The following RPAP2 variants were observed in gnomAD, a reference collection of about 807,000 sequenced individuals.
The protein encoded by RPAP2 is RNA polymerase II associated protein 2, also known as putative RNA polymerase II subunit B1 CTD phosphatase RPAP2.
In RPAP2, 52 loss-of-function variants were observed where a neutral mutation model predicts 73.1. The ratio of observed to expected loss-of-function variants is 0.71; its 90% confidence interval spans 0.57 to 0.90. The LOEUF (loss-of-function observed/expected upper bound fraction) is 0.90. Ranked by LOEUF, RPAP2 falls within the 40% of genes least tolerant of loss-of-function variation. The pLI is 0.00. For synonymous variants in RPAP2, 225 were observed against 242.1 expected (o/e 0.93, Z 0.65); for missense variants, 598 against 701.8 (o/e 0.85, Z 1.67).
chr1:92,385,266 C>T (rs1334341129), intron 12 of RPAP2, among the ~76,000 whole-genome samples: 3 of 151,834 alleles, frequency 2.0e-5, no homozygotes, highest in Admixed American at 6.6e-5. Flanking sequence ...TGAATAGATA[C>T]CAATTAAAAA....
intron 12 of RPAP2, 143 bp from the exon 13 acceptor site, chr1:92,386,868 C>T: frequency 1.9e-6 from 1 of 527,344 alleles, no homozygotes. Context: ...GCCTGGCAAA[C>T]TTTTTGGGTT....
rs552374610 is a variant in RPAP2, at chr1:92,388,851, G to A, written c.*1840G>A. ...CGCCATTGCTGAGGCTTGAGTAGGCGGTTCTATGCTCACAGTGTAAACAAA... is the reference window on the plus strand; with the variant it reads ...CGCCATTGCTGAGGCTTGAGTAGGCAGTTCTATGCTCACAGTGTAAACAAA... On this transcript the variant is annotated 3_prime_UTR_variant, in exon 13 of 13. Coordinates refer to ENST00000610020, the MANE Select transcript of RPAP2 (RefSeq NM_024813.3). 10 of 152,316 alleles carry A rather than the reference G, an allele frequency of 6.6e-5. No individual in the cohort carries two copies. The highest frequency in any genetic ancestry group is 4.1e-4 in the South Asian group (2 of 4,832). The allele number at this position is 152,316 out of a possible 1,614,324, so 9.4% of individuals were successfully genotyped here. A position where few individuals can be genotyped will look rare whatever the true frequency, so the allele number is the denominator to read the frequency against.
intron 6 of RPAP2, among the ~76,000 whole-genome samples, chr1:92,312,098 C>T (rs1014518986): frequency 1.2e-4 from 19 of 152,200 alleles, no homozygotes; most frequent in African/African-American, 4.6e-4. Flanking sequence ...GCATTTTACC[C>T]ACAGCAGAAC....
chr1:92,315,014 C>T (rs1196526238), intron 6 of RPAP2, among the ~76,000 whole-genome samples: 1 of 151,980 alleles, frequency 6.6e-6, no homozygotes, highest in Non-Finnish European at 1.5e-5. Context: ...CACTGCACTC[C>T]AGCCTGGGTG....
intron 11 of RPAP2, among the ~76,000 whole-genome samples, chr1:92,351,929 C>T (rs1269621598): frequency 6.6e-6 from 1 of 152,060 alleles, no homozygotes; most frequent in African/African-American, 2.4e-5. Flanking sequence ...AGTCAAATGT[C>T]TCTTGGTGGC....
chr1:92,312,839 TCAGA>T (rs1207559991), intron 6 of RPAP2, among the ~76,000 whole-genome samples: 2 of 152,118 alleles, frequency 1.3e-5, no homozygotes, highest in South Asian at 2.1e-4. Context: ...TTTCTTTTTT[TCAGA>T]CAGAGTCTCA....
chr1:92,333,957 C>T (rs1398135493), intron 9 of RPAP2, among the ~76,000 whole-genome samples: 1 of 152,124 alleles, frequency 6.6e-6, no homozygotes, highest in Non-Finnish European at 1.5e-5. Flanking sequence ...TTAAACTTCC[C>T]GTGGTGGAAA....
chr1:92,305,218 G>C (rs779035389), intron 5 of RPAP2, among the ~76,000 whole-genome samples: 23 of 151,870 alleles, frequency 1.5e-4, no homozygotes, highest in Admixed American at 7.9e-4. Context: ...AGATCACGAG[G>C]TCAGGAAATC....
chr1:92,324,382 C>T lies in RPAP2; in HGVS notation c.1455+7C>T, dbSNP rs772127212. ...ATCACAAGACTCAGAAGAGGTATGT[C>T]TTACAGACATTGAGTTTTTCCAGAT... On this transcript the variant is annotated splice_region_variant and intron_variant, in intron 8 of 12. Transcript: ENST00000610020. 2 of 1,589,944 alleles carry T rather than the reference C, an allele frequency of 1.3e-6. No individual in the cohort carries two copies. Among genetic ancestry groups the T allele is most frequent in the African/African-American group, 2.7e-5 (2 of 73,720 alleles).
At chr1:92,326,484 T>C (rs1652634753) in intron 8 of RPAP2, among the ~76,000 whole-genome samples, 1 of 152,020 alleles carries the variant, frequency 6.6e-6, no homozygotes, top group South Asian at 2.1e-4. Context: ...GTTGTGGTAG[T>C]ATAGGGAGGA....
chr1:92,352,590 A>C (rs1011638371), intron 11 of RPAP2, among the ~76,000 whole-genome samples: 1 of 152,230 alleles, frequency 6.6e-6, no homozygotes, highest in Admixed American at 6.5e-5. Flanking sequence ...ATTTAATTTT[A>C]GGTATCTGAG....
chr1:92,356,869 C>A (rs1402003147), intron 11 of RPAP2, among the ~76,000 whole-genome samples: 1 of 151,810 alleles, frequency 6.6e-6, no homozygotes, highest in African/African-American at 2.4e-5. Flanking sequence ...TCAAGACCAA[C>A]CTGGCCAACA....
chr1:92,381,593 T>C (rs1170989097), intron 12 of RPAP2, among the ~76,000 whole-genome samples: 1 of 150,886 alleles, frequency 6.6e-6, no homozygotes, highest in Non-Finnish European at 1.5e-5. Flanking sequence ...ATTTTCTTTT[T>C]TTTTTTTTTT....
At chr1:92,356,523 A>G (rs951442818) in intron 11 of RPAP2, among the ~76,000 whole-genome samples, 2 of 150,154 alleles carry the variant, frequency 1.3e-5, no homozygotes, top group African/African-American at 4.9e-5. Context: ...GGTTCAAGCA[A>G]TCCTCCTGCC....
chr1:92,343,562 T>G (rs575603185), intron 10 of RPAP2, among the ~76,000 whole-genome samples: 1 of 152,180 alleles, frequency 6.6e-6, no homozygotes, highest in Non-Finnish European at 1.5e-5. Flanking sequence ...AATTAATAGA[T>G]TTTAATATTT....
rs554594318 is a variant in RPAP2, at chr1:92,393,106, C to T, written c.*6095C>T. 4 of 152,322 alleles carry T rather than the reference C, an allele frequency of 2.6e-5. No individual in the cohort carries two copies. The South Asian group carries it at 8.3e-4, about 32-fold the overall frequency. 9.4% of individuals were successfully genotyped at this position (152,322 alleles called of 1,614,324 possible). ...TACTACAAGCCTACAGTAACCAAAA[C>T]AGCATGGCACTGGTACAAAAACAGA... On this transcript the variant is annotated 3_prime_UTR_variant, in exon 13 of 13. Transcript: ENST00000610020.
At position 92,323,538 on chromosome 1, in the gene RPAP2, T is replaced by C; in HGVS notation, c.618T>C (p.Ser206=). 6.2e-7 allele frequency: 1 copy of C among 1,613,656 alleles called. No individual in the cohort carries two copies. Among genetic ancestry groups the C allele is most frequent in the Non-Finnish European group, 8.5e-7 (1 of 1,179,568 alleles). Residue 206 remains serine, a synonymous_variant, in exon 8 of 13, where the codon TCT becomes TCC. Transcript: ENST00000610020. The part of the protein sequence containing the change: ...NPSHFEKQYE[S]SSSSTHSDSS... ...GCCACTTTGAAAAGCAATATGAATC[T>C]AGTTCTTCTAGCACTCACAGTGATA...
intron 5 of RPAP2, among the ~76,000 whole-genome samples, chr1:92,305,162 C>T (rs1273854616): frequency 2.7e-5 from 4 of 149,802 alleles, no homozygotes; most frequent in East Asian, 2.0e-4. Flanking sequence ...ACCGGGCGCC[C>T]TGGCTCAAGC....
intron 11 of RPAP2, among the ~76,000 whole-genome samples, chr1:92,351,493 T>C (rs1039929078): frequency 2.6e-5 from 4 of 152,222 alleles, no homozygotes; most frequent in South Asian, 4.1e-4. Context: ...AATAGCTTTT[T>C]TGAGATTTAA....
Sources: allele counts gnomAD v4.1 joint callset (sites outside exome capture counted in the v4.1 genomes callset), GRCh38; gene constraint gnomAD v4.1.1; transcripts MANE v1.5; gene names NCBI Gene and HGNC (gene_info 2026-07-23, HGNC 2026-07-21).